The following EPHA6 variants were observed in gnomAD, a reference collection of about 807,000 sequenced individuals.
EPHA6 encodes the protein EPH receptor A6.
In EPHA6, 50 loss-of-function variants were observed where a neutral mutation model predicts 112.0. The ratio of observed to expected loss-of-function variants is 0.45; its 90% CI spans 0.36 to 0.56. The LOEUF is 0.56. Ranked by LOEUF, EPHA6 falls within the 20% of genes least tolerant of loss-of-function variation. The probability of loss-of-function intolerance (pLI) is 0.00; values close to 1 mark genes in which losing one functional copy is unlikely to be tolerated. For missense variants in EPHA6, 1,280 were observed against 1,417.4 expected, an observed-to-expected ratio of 0.90 and a Z score of 1.56; for synonymous variants, 529 against 490.7, an observed-to-expected ratio of 1.08 and a Z score of -1.03.
intron 6 of EPHA6, among the ~76,000 whole-genome samples, chr3:97,420,846 C>CAA (rs148265178): frequency 1.1e-4 from 14 of 129,080 alleles, no homozygotes; most frequent in Non-Finnish European, 1.9e-4. Flanking sequence ...GACAAACAGA[C>CAA]AAAAAAAAAA....
intron 14 of EPHA6, among the ~76,000 whole-genome samples, chr3:97,693,534 T>C (rs539270635): frequency 3.3e-5 from 5 of 152,178 alleles, no homozygotes; most frequent in Admixed American, 2.6e-4. Flanking sequence ...GGATTTTGTG[T>C]GGAAGAAGAA....
intron 12 of EPHA6, 38 bp downstream of exon 12, chr3:97,592,775 A>T: frequency 6.5e-7 from 1 of 1,542,712 alleles, no homozygotes; most frequent in Non-Finnish European, 8.7e-7. Context: ...CACCATATAC[A>T]GCAGTAGGAT....
At chr3:97,363,224 AT>A (rs2084494588) in intron 5 of EPHA6, among the ~76,000 whole-genome samples, 17 of 59,712 alleles carry the variant, frequency 2.8e-4, no homozygotes, top group South Asian at 1.8e-3. Flanking sequence ...ATATATATAT[AT>A]ATATATATAT....
chr3:97,670,179 T>G (rs889944157), intron 14 of EPHA6, among the ~76,000 whole-genome samples: 1 of 152,118 alleles, frequency 6.6e-6, no homozygotes, highest in Non-Finnish European at 1.5e-5. Flanking sequence ...GACCTCAAAG[T>G]TAGCTTTTTA....
intron 6 of EPHA6, among the ~76,000 whole-genome samples, chr3:97,413,867 TTA>T (rs1441392335): frequency 6.6e-6 from 1 of 152,012 alleles, no homozygotes; most frequent in Non-Finnish European, 1.5e-5. Context: ...TGCAACTAGA[TTA>T]TGTTATCTAA....
intron 1 of EPHA6, among the ~76,000 whole-genome samples, chr3:96,852,328 C>G (rs1235761756): frequency 1.3e-5 from 2 of 151,882 alleles, no homozygotes; most frequent in African/African-American, 2.4e-5. Context: ...ACCCCAGAGG[C>G]TGAGGCATGA....
At chr3:96,915,617 T>C (rs559151124) in intron 2 of EPHA6, among the ~76,000 whole-genome samples, 1 of 152,244 alleles carries the variant, frequency 6.6e-6, no homozygotes, top group East Asian at 1.9e-4. Context: ...ATAACATCAA[T>C]ATCTGTCAGT....
At chr3:97,281,866 T>A (rs1163841297) in intron 5 of EPHA6, among the ~76,000 whole-genome samples, 1 of 152,186 alleles carries the variant, frequency 6.6e-6, no homozygotes, top group African/African-American at 2.4e-5. Flanking sequence ...TGGTTGAATT[T>A]TTTTACAGTG....
intron 11 of EPHA6, among the ~76,000 whole-genome samples, chr3:97,564,002 G>A (rs2093226804): frequency 6.6e-6 from 1 of 152,004 alleles, no homozygotes; most frequent in Admixed American, 6.6e-5. Context: ...AGAAGATGGA[G>A]GCTAATAAAG....
intron 10 of EPHA6, among the ~76,000 whole-genome samples, chr3:97,508,128 T>C (rs112345126): frequency 2.7e-5 from 4 of 149,212 alleles, no homozygotes; most frequent in Non-Finnish European, 5.9e-5. Flanking sequence ...GATTCATTGA[T>C]TTTTTTTTGA....
At chr3:96,956,542 G>A (rs1225944368) in intron 2 of EPHA6, among the ~76,000 whole-genome samples, 1 of 152,152 alleles carries the variant, frequency 6.6e-6, no homozygotes, top group South Asian at 2.1e-4. Context: ...GACGATATGT[G>A]AAGTGAACAG....
intron 2 of EPHA6, among the ~76,000 whole-genome samples, chr3:96,911,727 G>C (rs1296669923): frequency 6.6e-6 from 1 of 151,892 alleles, no homozygotes; most frequent in East Asian, 1.9e-4. Context: ...GTAATACTTT[G>C]TCATTTAAAT....
At chr3:97,462,975 T>G (rs2090937465) in intron 7 of EPHA6, among the ~76,000 whole-genome samples, 1 of 152,280 alleles carries the variant, frequency 6.6e-6, no homozygotes, top group African/African-American at 2.4e-5. Flanking sequence ...TGACAACTAC[T>G]TATTGTTTAA....
intron 11 of EPHA6, among the ~76,000 whole-genome samples, chr3:97,545,042 G>GT (rs1170824982): frequency 1.3e-5 from 2 of 152,014 alleles, no homozygotes; most frequent in Non-Finnish European, 2.9e-5. Context: ...TTTTTGAAGG[G>GT]TTTTTTTGTG....
intron 4 of EPHA6, among the ~76,000 whole-genome samples, chr3:97,227,521 G>A (rs533188869): frequency 5.3e-5 from 8 of 152,216 alleles, no homozygotes; most frequent in African/African-American, 1.9e-4. Context: ...GCCCCTGGCC[G>A]AAACTATTTT....
chr3:97,005,856 C>T (rs1307168389), intron 3 of EPHA6, among the ~76,000 whole-genome samples: 3 of 152,176 alleles, frequency 2.0e-5, no homozygotes, highest in Admixed American at 1.3e-4. Context: ...AAGGCCTTTT[C>T]TGCATCTATT....
chr3:97,096,244 TAC>T (rs138232835), intron 3 of EPHA6, among the ~76,000 whole-genome samples: 18 of 149,716 alleles, frequency 1.2e-4, no homozygotes, highest in Non-Finnish European at 2.1e-4. Flanking sequence ...TATATATATA[TAC>T]ACACACACAC....
intron 5 of EPHA6, among the ~76,000 whole-genome samples, chr3:97,319,403 C>T (rs1280773688): frequency 6.6e-6 from 1 of 151,684 alleles, no homozygotes; most frequent in African/African-American, 2.4e-5. Flanking sequence ...CACAGTGGCT[C>T]ATGCCTGTAA....
chr3:96,877,471 T>C (rs2037035080), intron 2 of EPHA6, among the ~76,000 whole-genome samples: 1 of 152,034 alleles, frequency 6.6e-6, no homozygotes, highest in Admixed American at 6.6e-5. Context: ...CAGTTGATGA[T>C]CTGAATCACA....
Sources: gnomAD v4.1 joint callset for allele counts (sites outside exome capture counted in the v4.1 genomes callset) on GRCh38, gnomAD v4.1.1 for gene constraint, MANE v1.5 for transcripts, NCBI Gene and HGNC (gene_info 2026-07-23, HGNC 2026-07-21) for gene names.